Variants in ANXA9 observed in about 807,000 individuals in gnomAD.
ANXA9 encodes the protein annexin A9.
ANXA9 carries 47 observed loss-of-function variants against 51.8 expected under a neutral mutation model. The ratio of observed to expected loss-of-function variants is 0.91; its 90% CI spans 0.72 to 1.16. The LOEUF (loss-of-function observed/expected upper bound fraction) is 1.16. Ranked by LOEUF, ANXA9 falls within the 50% of genes most tolerant of loss-of-function variation. The pLI, the probability that ANXA9 is intolerant of heterozygous loss-of-function variation, is 0.00. For synonymous variants in ANXA9, 154 were observed against 168.7 expected (o/e 0.91, Z 0.68); for missense variants, 361 against 424.7 (o/e 0.85, Z 1.32).
At chr1:150,994,859 T>C (rs928016870) in intron 13 of ANXA9, 160 bp downstream of exon 13, 72 of 965,498 alleles carry the variant, frequency 7.5e-5, no homozygotes, top group South Asian at 9.6e-5. Flanking sequence ...TTTGAGAGGC[T>C]GAGGTGGGCG....
intron 9 of ANXA9, 85 bp from the exon 10 acceptor site, chr1:150,987,787 G>T: frequency 9.4e-7 from 1 of 1,066,366 alleles, no homozygotes; most frequent in Non-Finnish European, 1.4e-6. Flanking sequence ...GATGATGATA[G>T]ATTCTGGAAC....
chr1:150,983,546 T>TGACA, intron 4 of ANXA9, 112 bp downstream of exon 4: 1 of 1,057,316 alleles, frequency 9.5e-7, no homozygotes, highest in Non-Finnish European at 1.4e-6. Context: ...GTGGAATGCC[T>TGACA]TCATTCTTGT....
In ANXA9 at chr1:150,988,079, T is replaced by C; in HGVS notation, c.698-12T>C. 1.2e-6 allele frequency: 2 copies of C among 1,614,118 alleles called. No individual in the cohort carries two copies. Among genetic ancestry groups the C allele is most frequent in the Non-Finnish European group, 1.7e-6 (2 of 1,180,000 alleles). ...CCCATCCATCTTTCTAACTGCCTCCTACACACACAAGTGTTTGATCAGTAC... is the reference window on the plus strand; with the variant it reads ...CCCATCCATCTTTCTAACTGCCTCCCACACACACAAGTGTTTGATCAGTAC... On this transcript the variant is annotated splice_polypyrimidine_tract_variant and intron_variant, in intron 10 of 13. Coordinates refer to ENST00000368947, the MANE Select transcript of ANXA9 (RefSeq NM_003568.3).
At chr1:150,978,240 G>T (rs1033343848), upstream of ANXA9, among the ~76,000 whole-genome samples, 1 of 152,092 alleles carries the variant, frequency 6.6e-6, no homozygotes, top group Non-Finnish European at 1.5e-5. Flanking sequence ...GGACCAGCCT[G>T]GCCAACATGG....
chr1:150,988,197 G>A lies in ANXA9; in HGVS notation c.793+11G>A, dbSNP rs1468685877. The A allele has an allele frequency of 2.5e-6, 4 of 1,614,108 alleles. No homozygotes were observed. In the African/African-American group the frequency reaches 4.0e-5, roughly 16 times the overall value. ...CTCTGCTCGGCCTAGGTAGGGGCCT[G>A]CTCAGGATTTGTGAAGTAAGTCTCT... On this transcript the variant is annotated intron_variant, in intron 11 of 13. Coordinates refer to ENST00000368947, the MANE Select transcript of ANXA9 (RefSeq NM_003568.3).
chr1:150,988,432 C>T, intron 12 of ANXA9, 91 bp downstream of exon 12: 1 of 1,477,888 alleles, frequency 6.8e-7, no homozygotes, highest in Admixed American at 1.7e-5. Flanking sequence ...ATCCTATATA[C>T]ACCGTCTAAA....
upstream of ANXA9, among the ~76,000 whole-genome samples, chr1:150,979,585 G>A (rs1671381120): frequency 6.6e-6 from 1 of 152,144 alleles, no homozygotes. Context: ...CTTCCCAAGT[G>A]GGCTGAGACA....
At chr1:150,986,283 A>G in intron 7 of ANXA9, 53 bp from the exon 8 acceptor site, 1 of 1,549,094 alleles carries the variant, frequency 6.5e-7, no homozygotes, top group Non-Finnish European at 8.9e-7. Context: ...TCCTGGGGAT[A>G]TCTACACTAG....
At chr1:150,980,582 T>C (rs1340734314), upstream of ANXA9, among the ~76,000 whole-genome samples, 3 of 137,970 alleles carry the variant, frequency 2.2e-5, no homozygotes, top group East Asian at 6.2e-4. Flanking sequence ...CTTTTTTTTT[T>C]TTTTTTTTTT....
upstream of ANXA9, among the ~76,000 whole-genome samples, chr1:150,981,157 G>A (rs1671411222): frequency 2.0e-5 from 3 of 152,332 alleles, no homozygotes; most frequent in South Asian, 6.2e-4. Flanking sequence ...TGACACAGGT[G>A]CATGTTTTCC....
At position 150,994,814 on chromosome 1, in the gene ANXA9, C is replaced by T. The variant is rs587764168; in HGVS notation, c.975+115C>T. 1.5e-5 allele frequency: 23 copies of T among 1,512,710 alleles called. No homozygotes were observed. In the East Asian group the frequency reaches 4.9e-4, roughly 32 times the overall value. The allele number at this position is 1,512,710 out of a possible 1,614,324, so 93.7% of individuals were successfully genotyped here. ...GCCCCATAGAAAACCCAGTAGTTAGCCAGGCACAGTGGCTCACGCCTGTAA... is the reference window on the plus strand; with the variant it reads ...GCCCCATAGAAAACCCAGTAGTTAGTCAGGCACAGTGGCTCACGCCTGTAA... On this transcript the variant is annotated intron_variant, in intron 13 of 13. Coordinates refer to ENST00000368947, the MANE Select transcript of ANXA9 (RefSeq NM_003568.3).
intron 12 of ANXA9, among the ~76,000 whole-genome samples, chr1:150,990,676 A>G (rs200782555): frequency 5.3e-5 from 8 of 152,246 alleles, no homozygotes; most frequent in Middle Eastern, 3.4e-3. Context: ...GTGAAACCCC[A>G]TCTCTACTAA....
rs1671463458 is a variant in ANXA9, at chr1:150,983,382, C to G, written c.120C>G (p.Asn40Lys). ...TGGGCACCCTCAGGACCTTCTTGAA[C>G]TTCAGCGTGGACAAGGATGCGCAGA... ...GTLGTLRTFL[N>K]FSVDKDAQRL... The change falls in exon 4 of 14, where the codon AAC (asparagine) becomes AAG (lysine). Residue 40 changes from asparagine (N) to lysine (K), a missense_variant. Coordinates refer to ENST00000368947, the MANE Select transcript of ANXA9 (RefSeq NM_003568.3). 1.2e-6 allele frequency: 2 copies of G among 1,614,108 alleles called. No homozygotes were observed. The highest frequency in any genetic ancestry group is 1.7e-6 in the Non-Finnish European group (2 of 1,179,974).
chr1:150,984,003 G>A lies in ANXA9; in HGVS notation c.201G>A (p.Val67=), dbSNP rs765316963. The change falls in exon 5 of 14, where the codon GTG becomes GTA. Residue 67 remains valine (V), a synonymous_variant. Transcript: ENST00000368947. ...TGGACCGCAGTGCCATTGTGGACGTGCTGACCAACCGGAGCAGAGAGCAAA... is the reference window on the plus strand; with the variant it reads ...TGGACCGCAGTGCCATTGTGGACGTACTGACCAACCGGAGCAGAGAGCAAA... ...QGVDRSAIVD[V]LTNRSREQRQ... The A allele has an allele frequency of 2.5e-6, 4 of 1,612,858 alleles. No homozygotes were observed. The South Asian group carries it at 3.3e-5, about 13-fold the overall frequency.
rs762365159 is a variant in ANXA9 at position 150,994,652 on chromosome 1, G to C, written c.928G>C (p.Ala310Pro). ...TGAGACTGACCTTCTGAGTATCAGA[G>C]CTGAGTTCAGGAAGAAATTTGGGAA... ...RCETDLLSIR[A>P]EFRKKFGKSL... Residue 310 changes from alanine to proline, a missense_variant, in exon 13 of 14, where the codon GCT becomes CCT. By Grantham distance (27) the Ala-to-Pro change is conservative (BLOSUM62 -1). Coordinates refer to ENST00000368947, the MANE Select transcript of ANXA9 (RefSeq NM_003568.3). 1.2e-6 allele frequency: 2 copies of C among 1,614,120 alleles called. No homozygotes were observed. Among genetic ancestry groups the C allele is most frequent in the Non-Finnish European group, 1.7e-6 (2 of 1,179,990 alleles).
Position 150,986,667 on chromosome 1 carries a change from C to T in ANXA9, c.612+6C>T, listed in dbSNP as rs749147471. The T allele has an allele frequency of 6.3e-7, 1 of 1,594,704 alleles. No homozygotes were observed. Among genetic ancestry groups the T allele is most frequent in the South Asian group, 1.1e-5 (1 of 88,114 alleles). On this transcript the variant is annotated splice_donor_region_variant and intron_variant, in intron 9 of 13. Coordinates refer to ENST00000368947, the MANE Select transcript of ANXA9 (RefSeq NM_003568.3). Reference sequence around the variant, plus strand: ...TGGCAGAACAAGATGTCCAGGTGAGCAGGGGGTTTAGGAGTGTGCACAGCC... The same window carrying T: ...TGGCAGAACAAGATGTCCAGGTGAGTAGGGGGTTTAGGAGTGTGCACAGCC...
chr1:150,978,323 G>T (rs751690829), upstream of ANXA9, among the ~76,000 whole-genome samples: 1 of 151,512 alleles, frequency 6.6e-6, no homozygotes, highest in South Asian at 2.1e-4. Context: ...CCAGCTACTC[G>T]GGAGGCTGAG....
chr1:150,982,287 C>T (rs2102785604), upstream of ANXA9: 1 of 152,826 alleles, frequency 6.5e-6, no homozygotes, highest in Non-Finnish European at 1.5e-5. Flanking sequence ...CACACCCCCA[C>T]TTTCCTCTAC....
chr1:150,986,501 T>A (rs2305814), intron 8 of ANXA9, 86 bp downstream of exon 8: 58 of 1,575,144 alleles, frequency 3.7e-5, no homozygotes, highest in Non-Finnish European at 4.5e-5. Flanking sequence ...TGTCCTGTAA[T>A]GGACAAGAGA....
Sources: gnomAD v4.1 joint callset for allele counts (sites outside exome capture counted in the v4.1 genomes callset) on GRCh38, gnomAD v4.1.1 for gene constraint, MANE v1.5 for transcripts, NCBI Gene and HGNC (gene_info 2026-07-23, HGNC 2026-07-21) for gene names.